Variants in SEMA6D observed in about 807,000 individuals in gnomAD.
SEMA6D encodes the protein semaphorin-6D.
SEMA6D carries 35 observed loss-of-function variants against 106.6 expected under a neutral mutation model. That is an observed-to-expected ratio of 0.33 (90% CI 0.25 to 0.44). The LOEUF (loss-of-function observed/expected upper bound fraction) is 0.44. Among genes scored for constraint, SEMA6D ranks in the 20% least tolerant of loss-of-function variants. The pLI is 1.00. For missense variants in SEMA6D, 1,185 were observed against 1,345.9 expected, an observed-to-expected ratio of 0.88 and a Z score of 1.87; for synonymous variants, 499 against 487.7, an observed-to-expected ratio of 1.02 and a Z score of -0.31.
chr15:47,299,564 A>G (rs141166500), intron 1 of SEMA6D, among the ~76,000 whole-genome samples: 291 of 152,356 alleles, frequency 1.9e-3, no homozygotes, highest in African/African-American at 6.8e-3. Flanking sequence ...GAAGATGAAC[A>G]TTTTAAAAGT....
chr15:47,505,578 G>T (rs976174950), intron 3 of SEMA6D, among the ~76,000 whole-genome samples: 4 of 152,118 alleles, frequency 2.6e-5, no homozygotes, highest in Non-Finnish European at 5.9e-5. Context: ...TTATCTAGCT[G>T]ACATCCTTGT....
intron 1 of SEMA6D, among the ~76,000 whole-genome samples, chr15:47,324,004 A>G (rs1006123798): frequency 1.3e-5 from 2 of 151,930 alleles, no homozygotes; most frequent in Non-Finnish European, 2.9e-5. Context: ...AAAAAAATCC[A>G]ATGATAAAAC....
intron 4 of SEMA6D, among the ~76,000 whole-genome samples, chr15:47,662,651 T>C (rs2077946581): frequency 6.6e-6 from 1 of 152,178 alleles, no homozygotes; most frequent in Non-Finnish European, 1.5e-5. Context: ...GGGAGTTTAT[T>C]TCTTCTAAAC....
chr15:47,591,946 C>T (rs142112076), intron 3 of SEMA6D, among the ~76,000 whole-genome samples: 21 of 152,130 alleles, frequency 1.4e-4, no homozygotes, highest in East Asian at 3.9e-4. Flanking sequence ...GAGCTAACTA[C>T]GGTCACATAC....
chr15:47,615,121 A>T (rs1332527559), intron 4 of SEMA6D, among the ~76,000 whole-genome samples: 1 of 152,204 alleles, frequency 6.6e-6, no homozygotes, highest in African/African-American at 2.4e-5. Flanking sequence ...CCTTCCATAT[A>T]CACAAATTAT....
chr15:47,555,094 C>A (rs983930474), intron 3 of SEMA6D, among the ~76,000 whole-genome samples: 1 of 152,054 alleles, frequency 6.6e-6, no homozygotes, highest in African/African-American at 2.4e-5. Flanking sequence ...CAATCATATG[C>A]GTACAACAAG....
intron 3 of SEMA6D, among the ~76,000 whole-genome samples, chr15:47,545,815 G>A (rs2045502839): frequency 6.6e-6 from 1 of 152,080 alleles, no homozygotes; most frequent in South Asian, 2.1e-4. Context: ...TTCCAGTTTA[G>A]ATTTTGTCTT....
chr15:47,407,426 A>AT (rs778056670), intron 1 of SEMA6D, among the ~76,000 whole-genome samples: 1 of 151,314 alleles, frequency 6.6e-6, no homozygotes, highest in Non-Finnish European at 1.5e-5. Flanking sequence ...AACAAAAAAA[A>AT]CAAACAAAAA....
At chr15:47,463,680 C>T (rs368930971) in intron 2 of SEMA6D, among the ~76,000 whole-genome samples, 9 of 152,212 alleles carry the variant, frequency 5.9e-5, no homozygotes, top group Admixed American at 2.0e-4. Context: ...GTTTACTGTG[C>T]GACTGTATTA....
intron 1 of SEMA6D, among the ~76,000 whole-genome samples, chr15:47,284,690 AT>A (rs1338654281): frequency 6.6e-6 from 1 of 152,166 alleles, no homozygotes; most frequent in Non-Finnish European, 1.5e-5. Flanking sequence ...TCGGTTTTGC[AT>A]TGTTTTCCAT....
In SEMA6D at chr15:47,764,651, G is replaced by T; in HGVS notation, c.1111G>T (p.Ala371Ser). 1 of 1,613,956 alleles carries T rather than the reference G, an allele frequency of 6.2e-7. No individual in the cohort carries two copies. Among genetic ancestry groups the T allele is most frequent in the Non-Finnish European group, 8.5e-7 (1 of 1,179,862 alleles). ...KVPKPRPGCC[A>S]KHGLAEAYKT... The stretch of plus-strand genomic sequence containing the variant: ...TTTTCCTTTCAGGCCTGGCTGTTGT[G>T]CAAAACACGGCCTTGCCGAAGCTTA... Residue 371 changes from alanine to serine, a missense_variant, in exon 12 of 19, where the codon GCA becomes TCA. Physicochemically the swap from Ala to Ser is moderately conservative, Grantham distance 99. Coordinates refer to ENST00000536845, the MANE Select transcript of SEMA6D (RefSeq NM_001358351.3).
intron 4 of SEMA6D, among the ~76,000 whole-genome samples, chr15:47,678,335 C>T (rs958300442): frequency 2.0e-5 from 3 of 152,118 alleles, no homozygotes; most frequent in African/African-American, 7.2e-5. Flanking sequence ...CACAGACAAG[C>T]AGAAGTCCCC....
chr15:47,746,091 A>C (rs907945091), intron 1 of SEMA6D, among the ~76,000 whole-genome samples: 6 of 152,222 alleles, frequency 3.9e-5, no homozygotes, highest in African/African-American at 1.4e-4. Context: ...GGCAAATACT[A>C]ATACAAAGGC....
chr15:47,427,167 C>T (rs566729330), intron 2 of SEMA6D, among the ~76,000 whole-genome samples: 1 of 152,220 alleles, frequency 6.6e-6, no homozygotes, highest in East Asian at 1.9e-4. Flanking sequence ...ATATGAACAA[C>T]TTTAATGGGG....
intron 1 of SEMA6D, among the ~76,000 whole-genome samples, chr15:47,346,185 A>G (rs569842): frequency 0.48 from 72,659 of 151,986 alleles, 20,706 homozygotes; most frequent in South Asian, 0.62. Context: ...GTGAGTTTGG[A>G]TTGACAAACT....
chr15:47,736,543 G>A (rs1427081286), intron 1 of SEMA6D, among the ~76,000 whole-genome samples: 10 of 152,168 alleles, frequency 6.6e-5, no homozygotes, highest in Non-Finnish European at 1.5e-4. Context: ...ATTTACTTAA[G>A]GCTTAGTTTG....
intron 1 of SEMA6D, among the ~76,000 whole-genome samples, chr15:47,293,721 A>G (rs959364910): frequency 2.6e-5 from 4 of 152,234 alleles, no homozygotes; most frequent in Non-Finnish European, 4.4e-5. Flanking sequence ...AGTCTGGTTC[A>G]TTTAGGTCTT....
chr15:47,636,098 G>A (rs1245497273), intron 4 of SEMA6D, among the ~76,000 whole-genome samples: 1 of 152,144 alleles, frequency 6.6e-6, no homozygotes, highest in Non-Finnish European at 1.5e-5. Flanking sequence ...GAGATGGGGA[G>A]CAGGATTGAC....
chr15:47,444,702 A>G (rs1004112070), intron 2 of SEMA6D, among the ~76,000 whole-genome samples: 1 of 152,118 alleles, frequency 6.6e-6, no homozygotes, highest in Non-Finnish European at 1.5e-5. Context: ...AGGAATGGGA[A>G]CACACAGACA....
Sources: gnomAD v4.1 joint callset for allele counts (sites outside exome capture counted in the v4.1 genomes callset) on GRCh38, gnomAD v4.1.1 for gene constraint, MANE v1.5 for transcripts, NCBI Gene and HGNC (gene_info 2026-07-23, HGNC 2026-07-21) for gene names.